Variants in MPP7 observed in about 807,000 individuals in gnomAD.
MPP7 encodes the protein MAGUK p55 subfamily member 7.
MPP7 carries 60 observed loss-of-function variants against 76.5 expected under a neutral mutation model. That is an observed-to-expected ratio of 0.78 (90% CI 0.64 to 0.97). The LOEUF (loss-of-function observed/expected upper bound fraction) is 0.97. Ranked by LOEUF, MPP7 falls within the 50% of genes least tolerant of loss-of-function variation. The pLI is 0.00. For synonymous variants in MPP7, 237 were observed against 244.5 expected, an observed-to-expected ratio of 0.97 and a Z score of 0.29; for missense variants, 641 against 694.0, an observed-to-expected ratio of 0.92 and a Z score of 0.86.
intron 8 of MPP7, among the ~76,000 whole-genome samples, chr10:28,122,236 C>A (rs541053147): frequency 7.2e-4 from 109 of 152,056 alleles, no homozygotes; most frequent in Non-Finnish European, 8.8e-4. Flanking sequence ...ATGGTCCTTA[C>A]AACAGTGTCA....
intron 1 of MPP7, among the ~76,000 whole-genome samples, chr10:28,266,928 T>C (rs143151398): frequency 2.6e-5 from 4 of 152,346 alleles, no homozygotes; most frequent in Non-Finnish European, 4.4e-5. Context: ...TTCTGGTTAA[T>C]ATTTAATCCA....
At chr10:28,286,512 T>G (rs1288323466) in intron 1 of MPP7, among the ~76,000 whole-genome samples, 1 of 152,186 alleles carries the variant, frequency 6.6e-6, no homozygotes, top group Non-Finnish European at 1.5e-5. Context: ...CTGGATGCAG[T>G]TGAGCAACCT....
chr10:28,079,810 G>A (rs1272991640), intron 12 of MPP7, among the ~76,000 whole-genome samples: 1 of 152,040 alleles, frequency 6.6e-6, no homozygotes, highest in East Asian at 1.9e-4. Context: ...AATGAAATGT[G>A]GCACATGTGT....
At position 28,125,023 on chromosome 10, in the gene MPP7, A is replaced by T. The variant is rs146917589; in HGVS notation, c.516T>A (p.Ala172=). ...TTAAAGTCTCACCACTTCTATCTGC[A>T]GCTCCTCCTCTCATGATTCTGGCCA... ...IIVARIMRGG[A]ADRSGLIHVG... is the part of the protein sequence containing the mutation. The change falls in exon 7 of 17, where the codon GCT becomes GCA. Residue 172 remains alanine (A), a synonymous_variant. Transcript: ENST00000683449. 2 of 1,613,984 alleles carry T rather than the reference A, an allele frequency of 1.2e-6. No homozygotes were observed. Among genetic ancestry groups the T allele is most frequent in the Non-Finnish European group, 1.7e-6 (2 of 1,179,888 alleles).
chr10:28,277,031 A>AC (rs1840522476), intron 1 of MPP7, among the ~76,000 whole-genome samples: 1 of 150,122 alleles, frequency 6.7e-6, no homozygotes, highest in African/African-American at 2.4e-5. Context: ...TGCCTCTACA[A>AC]AAAAAAAAAT....
chr10:28,130,431 A>T (rs766378169), intron 6 of MPP7, among the ~76,000 whole-genome samples: 1 of 152,192 alleles, frequency 6.6e-6, no homozygotes, highest in Non-Finnish European at 1.5e-5. Flanking sequence ...ATGGATCCCA[A>T]TAAACAAAAT....
intron 11 of MPP7, among the ~76,000 whole-genome samples, chr10:28,096,813 G>A (rs1853591181): frequency 6.6e-6 from 1 of 152,092 alleles, no homozygotes; most frequent in African/African-American, 2.4e-5. Context: ...GGCCTGGGAA[G>A]TGTGGCTGTA....
At chr10:28,334,028 A>G (rs1254674806) in intron 1 of MPP7, among the ~76,000 whole-genome samples, 1 of 152,104 alleles carries the variant, frequency 6.6e-6, no homozygotes, top group South Asian at 2.1e-4. Flanking sequence ...CCTTGTCTCT[A>G]GTAAAACAAA....
chr10:28,131,406 AT>A (rs1835187533), intron 6 of MPP7, among the ~76,000 whole-genome samples, 153 bp downstream of exon 6: 1 of 152,114 alleles, frequency 6.6e-6, no homozygotes, highest in South Asian at 2.1e-4. Context: ...CTTCACTTTC[AT>A]TTTTCAAAAG....
chr10:28,181,513 A>G (rs113227678), intron 3 of MPP7, among the ~76,000 whole-genome samples: 4 of 42,692 alleles, frequency 9.4e-5, no homozygotes, highest in Admixed American at 7.8e-4. Context: ...ATACTTCAAT[A>G]AATGAATCCA....
At chr10:28,192,806 A>C (rs1237988552) in intron 3 of MPP7, among the ~76,000 whole-genome samples, 5 of 152,250 alleles carry the variant, frequency 3.3e-5, no homozygotes, top group African/African-American at 1.2e-4. Context: ...AAGATTCAGA[A>C]TAGTCAACAC....
intron 11 of MPP7, among the ~76,000 whole-genome samples, chr10:28,102,192 G>C (rs1853856934): frequency 6.6e-6 from 1 of 152,046 alleles, no homozygotes; most frequent in East Asian, 1.9e-4. Context: ...CTGTCACCCA[G>C]GCTGGAGTGG....
At chr10:28,061,795 G>GA (rs1851797096) in intron 13 of MPP7, among the ~76,000 whole-genome samples, 1 of 151,864 alleles carries the variant, frequency 6.6e-6, no homozygotes, top group South Asian at 2.1e-4. Context: ...AAGCAGCTAG[G>GA]AAAAAACACT....
At chr10:28,309,952 G>A (rs183042808) in intron 2 of MPP7, among the ~76,000 whole-genome samples, 2 of 151,684 alleles carry the variant, frequency 1.3e-5, no homozygotes, top group East Asian at 3.9e-4. Context: ...AGCAGATGCT[G>A]GCGCCATGCT....
In MPP7 at chr10:28,124,107, T is replaced by G. The variant is rs777062160; in HGVS notation, c.539A>C (p.His180Pro). ...GGAADRSGLI[H>P]VGDELREVNG... ...GACTTCCCTAAGTTCATCACCAACATGAATAAGACCTGAGAAATAGGAGAT... is the reference window on the plus strand; with the variant it reads ...GACTTCCCTAAGTTCATCACCAACAGGAATAAGACCTGAGAAATAGGAGAT... The change falls in exon 8 of 17, where the codon CAT becomes CCT. Residue 180 changes from histidine (H) to proline (P), a missense_variant. By Grantham distance (77) the His-to-Pro change is moderately conservative. Transcript: ENST00000683449. The G allele has an allele frequency of 6.2e-7, 1 of 1,607,512 alleles. No homozygotes were observed. The highest frequency in any genetic ancestry group is 8.5e-7 in the Non-Finnish European group (1 of 1,174,156).
chr10:28,251,411 G>A (rs898166639), intron 1 of MPP7, among the ~76,000 whole-genome samples: 9 of 151,918 alleles, frequency 5.9e-5, no homozygotes, highest in East Asian at 1.9e-4. Context: ...ACAGTGAGCC[G>A]AGATCGCACC....
intron 2 of MPP7, among the ~76,000 whole-genome samples, chr10:28,224,178 C>T (rs972244777): frequency 2.0e-5 from 3 of 151,900 alleles, no homozygotes; most frequent in African/African-American, 7.3e-5. Context: ...GAGTGAAACT[C>T]CATCTCAAAA....
At chr10:28,177,775 C>A (rs1836924509) in intron 3 of MPP7, among the ~76,000 whole-genome samples, 1 of 152,124 alleles carries the variant, frequency 6.6e-6, no homozygotes, top group Non-Finnish European at 1.5e-5. Flanking sequence ...CCGCATAGAA[C>A]CAGACAAAGT....
At chr10:28,101,734 G>C (rs1168620986) in intron 11 of MPP7, among the ~76,000 whole-genome samples, 2 of 152,066 alleles carry the variant, frequency 1.3e-5, no homozygotes, top group East Asian at 3.9e-4. Context: ...GAATTAACCA[G>C]AGGAAAACAG....
Sources: gnomAD v4.1 joint callset for allele counts (sites outside exome capture counted in the v4.1 genomes callset) on GRCh38, gnomAD v4.1.1 for gene constraint, MANE v1.5 for transcripts, NCBI Gene and HGNC (gene_info 2026-07-23, HGNC 2026-07-21) for gene names.